PTPRD: variants seen among roughly 807,000 people sequenced by gnomAD.
The protein encoded by PTPRD is receptor-type tyrosine-protein phosphatase delta.
In PTPRD, 34 loss-of-function variants were observed where a neutral mutation model predicts 214.5. The ratio of observed to expected loss-of-function variants is 0.16; its 90% CI spans 0.12 to 0.21. The LOEUF (loss-of-function observed/expected upper bound fraction) is 0.21. Among genes scored for constraint, PTPRD ranks in the 10% least tolerant of loss-of-function variants. The pLI, the probability that PTPRD is intolerant of heterozygous loss-of-function variation, is 1.00. For synonymous variants in PTPRD, 1,128 were observed against 845.7 expected (o/e 1.33, Z -5.79); for missense variants, 2,545 against 2,398.7 (o/e 1.06, Z -1.27).
intron 11 of PTPRD, among the ~76,000 whole-genome samples, chr9:9,014,085 C>G (rs562442933): frequency 6.6e-6 from 1 of 151,706 alleles, no homozygotes; most frequent in Non-Finnish European, 1.5e-5. Flanking sequence ...ATAAGTAAAT[C>G]GTAAGCTCTA....
At chr9:9,633,178 C>T (rs1422561461) in intron 7 of PTPRD, among the ~76,000 whole-genome samples, 3 of 151,902 alleles carry the variant, frequency 2.0e-5, no homozygotes, top group African/African-American at 7.3e-5. Context: ...GCCTGTAATT[C>T]CAGCTACTCA....
chr9:8,509,238 T>C (rs1227790536), intron 21 of PTPRD, among the ~76,000 whole-genome samples: 2 of 152,116 alleles, frequency 1.3e-5, no homozygotes, highest in East Asian at 3.9e-4. Flanking sequence ...GCAAAGCAAA[T>C]GGAAAATGCA....
At chr9:8,753,447 G>A in intron 11 of PTPRD, among the ~76,000 whole-genome samples, 1 of 152,314 alleles carries the variant, frequency 6.6e-6, no homozygotes, top group Middle Eastern at 3.4e-3. Context: ...AAGCAGAAAA[G>A]TTTTCACTCA....
intron 3 of PTPRD, among the ~76,000 whole-genome samples, chr9:10,337,208 G>A (rs2096859093): frequency 6.6e-6 from 1 of 151,388 alleles, no homozygotes; most frequent in African/African-American, 2.4e-5. Context: ...AATCACTTTT[G>A]CAAACACCAT....
At chr9:8,335,989 C>T (rs58120152) in intron 43 of PTPRD, among the ~76,000 whole-genome samples, 8,032 of 152,072 alleles carry the variant, frequency 0.053, 693 homozygotes, top group African/African-American at 0.18. Flanking sequence ...ACATTCCATG[C>T]TCACGGATAG....
At chr9:9,467,595 A>AC in intron 8 of PTPRD, among the ~76,000 whole-genome samples, 1 of 137,122 alleles carries the variant, frequency 7.3e-6, no homozygotes, top group Non-Finnish European at 1.7e-5. Flanking sequence ...TCCCAAAAAA[A>AC]AAAAAAAAAA....
intron 3 of PTPRD, among the ~76,000 whole-genome samples, chr9:10,315,212 C>A (rs1335147382): frequency 6.6e-6 from 1 of 151,720 alleles, no homozygotes; most frequent in East Asian, 1.9e-4. Flanking sequence ...TTTGAGCTTT[C>A]AGTTTCATCT....
intron 9 of PTPRD, among the ~76,000 whole-genome samples, chr9:9,276,241 G>C (rs1367500858): frequency 2.0e-5 from 3 of 151,326 alleles, no homozygotes; most frequent in East Asian, 2.0e-4. Flanking sequence ...AAAGCCCCTA[G>C]TGTGCTGATT....
intron 8 of PTPRD, among the ~76,000 whole-genome samples, chr9:9,505,086 A>C (rs1488967367): frequency 6.6e-6 from 1 of 151,540 alleles, no homozygotes; most frequent in African/African-American, 2.4e-5. Flanking sequence ...TCAAGCTTGC[A>C]TCACAGTTTG....
chr9:9,091,251 T>G (rs1400356232), intron 10 of PTPRD: 15 of 1,241,862 alleles, frequency 1.2e-5, no homozygotes, highest in Admixed American at 8.4e-5. Context: ...TGTAAGGAGC[T>G]GAGTTCTTAA....
intron 3 of PTPRD, among the ~76,000 whole-genome samples, chr9:10,262,166 T>A (rs1259808973): frequency 6.6e-6 from 1 of 151,748 alleles, no homozygotes; most frequent in Non-Finnish European, 1.5e-5. Flanking sequence ...TCTAAAAAGG[T>A]GAAATTAAAA....
chr9:10,231,207 T>C (rs1324599729), intron 3 of PTPRD, among the ~76,000 whole-genome samples: 1 of 151,920 alleles, frequency 6.6e-6, no homozygotes, highest in African/African-American at 2.4e-5. Context: ...TACAAATGTA[T>C]GCTTTCATGT....
intron 7 of PTPRD, among the ~76,000 whole-genome samples, chr9:9,621,810 T>A (rs1020032612): frequency 6.6e-6 from 1 of 152,162 alleles, no homozygotes; most frequent in Non-Finnish European, 1.5e-5. Flanking sequence ...AGTGATGGTG[T>A]GATGGAAACA....
chr9:8,843,802 A>G (rs1000432448), intron 11 of PTPRD, among the ~76,000 whole-genome samples: 1 of 152,118 alleles, frequency 6.6e-6, no homozygotes, highest in African/African-American at 2.4e-5. Flanking sequence ...TCTGCAGTGT[A>G]ACAAAGACAG....
Position 8,954,636 on chromosome 9 carries a change from A to G in PTPRD, c.-104+64061T>C, listed in dbSNP as rs374282222. 7.2e-5 allele frequency among the ~76,000 whole-genome samples: 11 copies of G among 151,990 alleles called. No individual in the cohort carries two copies. In the East Asian group the frequency reaches 1.7e-3, roughly 24 times the overall value. ...GCTTGGGCTGTGGAGAGCTGTTCCA[A>G]TGAGAAGTAACAGGATGACTTTCAA... On this transcript the variant is annotated intron_variant, in intron 11 of 45. Transcript: ENST00000381196.
chr9:9,260,451 C>G (rs1204798664), intron 9 of PTPRD, among the ~76,000 whole-genome samples: 1 of 151,892 alleles, frequency 6.6e-6, no homozygotes, highest in African/African-American at 2.4e-5. Context: ...TAGTTTAAGA[C>G]AGTTTTCGCC....
chr9:10,476,116 T>G (rs2099060887), intron 2 of PTPRD, among the ~76,000 whole-genome samples: 1 of 152,030 alleles, frequency 6.6e-6, no homozygotes, highest in South Asian at 2.1e-4. Flanking sequence ...TCAACATAGT[T>G]TTTGAAGTTC....
chr9:9,863,171 G>A (rs748324848), intron 5 of PTPRD, among the ~76,000 whole-genome samples: 9 of 152,080 alleles, frequency 5.9e-5, no homozygotes, highest in Non-Finnish European at 1.0e-4. Flanking sequence ...GCTGACAACA[G>A]TCCACAGAAA....
chr9:9,792,191 C>T (rs2098972821), intron 5 of PTPRD, among the ~76,000 whole-genome samples: 1 of 152,060 alleles, frequency 6.6e-6, no homozygotes. Flanking sequence ...ACCACCCTTC[C>T]CTCAGTGAGT....
Sources: gnomAD v4.1 joint callset for allele counts (sites outside exome capture counted in the v4.1 genomes callset) on GRCh38, gnomAD v4.1.1 for gene constraint, MANE v1.5 for transcripts, NCBI Gene and HGNC (gene_info 2026-07-23, HGNC 2026-07-21) for gene names.